CSMD1: variants seen among roughly 807,000 people sequenced by gnomAD.
The protein encoded by CSMD1 is CUB and Sushi multiple domains 1, also known as CUB and sushi domain-containing protein 1.
In CSMD1, 213 loss-of-function variants were observed where a neutral mutation model predicts 417.5. The ratio of observed to expected loss-of-function variants is 0.51; its 90% CI spans 0.46 to 0.57. The LOEUF (loss-of-function observed/expected upper bound fraction) is 0.57. CSMD1 is among the 20% of genes least tolerant of loss of function. The pLI is 0.00. For missense variants in CSMD1, 6,923 were observed against 4,529.7 expected (o/e 1.53, Z -15.17); for synonymous variants, 2,862 against 1,736.8 (o/e 1.65, Z -16.11).
chr8:3,558,558 C>CG (rs1799304115), intron 10 of CSMD1, among the ~76,000 whole-genome samples: 4 of 145,816 alleles, frequency 2.7e-5, no homozygotes, highest in South Asian at 2.2e-4. Context: ...AATGGTACCC[C>CG]GTGTCCACTC....
intron 52 of CSMD1, among the ~76,000 whole-genome samples, chr8:3,008,587 C>T (rs1315549635): frequency 1.3e-5 from 2 of 152,066 alleles, no homozygotes; most frequent in Non-Finnish European, 2.9e-5. Context: ...CACTCAGAAA[C>T]TGGCTCCTGA....
chr8:3,773,174 C>G (rs1339104059), intron 5 of CSMD1, among the ~76,000 whole-genome samples: 1 of 152,140 alleles, frequency 6.6e-6, no homozygotes, highest in Non-Finnish European at 1.5e-5. Context: ...AACATGAACT[C>G]TAGGGGGACA....
At chr8:3,985,567 A>C (rs1253464000) in intron 5 of CSMD1, among the ~76,000 whole-genome samples, 1 of 152,160 alleles carries the variant, frequency 6.6e-6, no homozygotes, top group Non-Finnish European at 1.5e-5. Context: ...ACTATGGAAT[A>C]ATAACAGTTT....
intron 1 of CSMD1, among the ~76,000 whole-genome samples, chr8:4,895,991 C>T (rs1378154182): frequency 6.6e-6 from 1 of 151,990 alleles, no homozygotes; most frequent in East Asian, 1.9e-4. Context: ...TCTTGCCATC[C>T]TCCCCTAACC....
intron 3 of CSMD1, among the ~76,000 whole-genome samples, chr8:4,223,529 G>A (rs545447357): frequency 2.0e-5 from 3 of 152,222 alleles, no homozygotes; most frequent in Admixed American, 6.5e-5. Context: ...ACCACTGCTC[G>A]TTAATAACCA....
At chr8:4,399,194 T>C (rs1273656479) in intron 3 of CSMD1, among the ~76,000 whole-genome samples, 1 of 152,142 alleles carries the variant, frequency 6.6e-6, no homozygotes, top group East Asian at 1.9e-4. Flanking sequence ...GATCCTAGCC[T>C]GGAATTTACT....
intron 1 of CSMD1, among the ~76,000 whole-genome samples, chr8:4,922,707 A>G (rs1489895106): frequency 6.6e-6 from 1 of 152,182 alleles, no homozygotes; most frequent in Non-Finnish European, 1.5e-5. Context: ...ATGACAGACC[A>G]GCCCATTATA....
chr8:3,828,505 A>G (rs547457648), intron 5 of CSMD1, among the ~76,000 whole-genome samples: 7 of 152,290 alleles, frequency 4.6e-5, no homozygotes, highest in South Asian at 2.1e-4. Flanking sequence ...GTGTTTCCCA[A>G]ACACTAGTTA....
At chr8:2,952,994 T>A (rs1044587179) in intron 65 of CSMD1, among the ~76,000 whole-genome samples, 10 of 152,180 alleles carry the variant, frequency 6.6e-5, no homozygotes, top group Admixed American at 3.3e-4. Context: ...TCACATTCAA[T>A]TAGCACTTGC....
At chr8:4,321,509 G>T (rs894350090) in intron 3 of CSMD1, among the ~76,000 whole-genome samples, 1 of 152,124 alleles carries the variant, frequency 6.6e-6, no homozygotes. Flanking sequence ...CCACAGCAGA[G>T]GGATGTGTTA....
At chr8:3,960,408 GA>G (rs1316631533) in intron 5 of CSMD1, among the ~76,000 whole-genome samples, 1 of 152,136 alleles carries the variant, frequency 6.6e-6, no homozygotes, top group East Asian at 1.9e-4. Flanking sequence ...GCACCAGACA[GA>G]AGACTAGATA....
chr8:3,525,013 G>A (rs908800287), intron 10 of CSMD1, among the ~76,000 whole-genome samples: 2 of 152,118 alleles, frequency 1.3e-5, no homozygotes, highest in Admixed American at 1.3e-4. Context: ...CATCAAGTTG[G>A]CATTTATTTT....
chr8:4,378,838 T>C (rs985025332), intron 3 of CSMD1, among the ~76,000 whole-genome samples: 5 of 152,168 alleles, frequency 3.3e-5, no homozygotes, highest in Admixed American at 2.6e-4. Context: ...TGAGGACACA[T>C]AGAAGGCATA....
intron 5 of CSMD1, among the ~76,000 whole-genome samples, chr8:3,977,133 C>T (rs1813495551): frequency 1.3e-5 from 2 of 152,142 alleles, no homozygotes; most frequent in Non-Finnish European, 2.9e-5. Flanking sequence ...TCAGATGAAA[C>T]TTTCATGATG....
At chr8:3,266,267 A>G (rs1801422830) in intron 26 of CSMD1, among the ~76,000 whole-genome samples, 1 of 151,142 alleles carries the variant, frequency 6.6e-6, no homozygotes, top group Admixed American at 6.6e-5. Flanking sequence ...AGAGGGTTGT[A>G]AGGCGGAAAG....
intron 3 of CSMD1, among the ~76,000 whole-genome samples, chr8:4,053,621 G>A (rs986794870): frequency 1.3e-5 from 2 of 151,940 alleles, no homozygotes; most frequent in African/African-American, 2.4e-5. Context: ...TATTACTACA[G>A]ATTTCATTTG....
At chr8:3,098,715 A>G (rs1000150278) in intron 46 of CSMD1, among the ~76,000 whole-genome samples, 1 of 152,152 alleles carries the variant, frequency 6.6e-6, no homozygotes, top group African/African-American at 2.4e-5. Flanking sequence ...AAAAATAATG[A>G]AATTAGGGTC....
chr8:3,776,589 A>T (rs1337780834), intron 5 of CSMD1, among the ~76,000 whole-genome samples: 2 of 152,006 alleles, frequency 1.3e-5, no homozygotes, highest in African/African-American at 4.8e-5. Flanking sequence ...TTCCTACGGG[A>T]CTTTTGTTAA....
intron 51 of CSMD1, among the ~76,000 whole-genome samples, chr8:3,019,894 G>C (rs1488627878): frequency 1.3e-5 from 2 of 152,370 alleles, no homozygotes; most frequent in South Asian, 2.1e-4. Flanking sequence ...GCTGAAATAT[G>C]TTTTGAACAG....
Sources: allele counts gnomAD v4.1 joint callset (sites outside exome capture counted in the v4.1 genomes callset), GRCh38; gene constraint gnomAD v4.1.1; transcripts MANE v1.5; gene names NCBI Gene and HGNC (gene_info 2026-07-23, HGNC 2026-07-21).